BCL11A: variants seen among roughly 807,000 people sequenced by gnomAD.
BCL11A encodes B cell CLL/lymphoma 11A.
In BCL11A, 2 loss-of-function variants were observed where a neutral mutation model predicts 55.9. That is an observed-to-expected ratio of 0.04 (90% confidence interval 0.01 to 0.11). The LOEUF (loss-of-function observed/expected upper bound fraction) is 0.11. Ranked by LOEUF, BCL11A falls within the 10% of genes least tolerant of loss-of-function variation. The pLI is 1.00. For missense variants in BCL11A, 817 were observed against 1,137.1 expected, an observed-to-expected ratio of 0.72 and a Z score of 4.05; for synonymous variants, 465 against 473.4, an observed-to-expected ratio of 0.98 and a Z score of 0.23.
At chr2:60,484,683 G>C (rs1473300040) in intron 2 of BCL11A, among the ~76,000 whole-genome samples, 2 of 151,792 alleles carry the variant, frequency 1.3e-5, no homozygotes, top group African/African-American at 4.8e-5. Context: ...GGGGGAATTT[G>C]GAGGGGGGCA....
chr2:60,481,661 G>T (rs911586863), intron 2 of BCL11A, among the ~76,000 whole-genome samples: 1 of 152,020 alleles, frequency 6.6e-6, no homozygotes, highest in East Asian at 1.9e-4. Flanking sequence ...TTTTCTTGAC[G>T]CTCCACCCCC....
chr2:60,469,534 A>G (rs1428235271), intron 2 of BCL11A, among the ~76,000 whole-genome samples: 1 of 152,194 alleles, frequency 6.6e-6, no homozygotes, highest in Non-Finnish European at 1.5e-5. Flanking sequence ...AATAACTTTG[A>G]CCATTAAATG....
intron 2 of BCL11A, among the ~76,000 whole-genome samples, chr2:60,502,278 T>C (rs139317343): frequency 1.6e-4 from 24 of 152,376 alleles, no homozygotes; most frequent in East Asian, 1.3e-3. Context: ...ATAGCAGATT[T>C]GCTGAGCTCC....
downstream of BCL11A, chr2:60,452,651 G>A: frequency 6.2e-7 from 1 of 1,613,844 alleles, no homozygotes; most frequent in African/African-American, 1.3e-5. Flanking sequence ...ACGCCGAATG[G>A]GGGTGTGTGA....
chr2:60,537,313 GGAGA>G (rs1368223670), intron 2 of BCL11A: 1 of 152,168 alleles, frequency 6.6e-6, no homozygotes, highest in Non-Finnish European at 1.5e-5. Flanking sequence ...AGGGTGTGAT[GGAGA>G]GAAACTCACG....
chr2:60,458,758 T>G lies in BCL11A; in HGVS notation c.*1646A>C, dbSNP rs1676070008. 9.7e-7 allele frequency: 1 copy of G among 1,033,290 alleles called. No individual in the cohort carries two copies. Among genetic ancestry groups the G allele is most frequent in the Non-Finnish European group, 1.2e-6 (1 of 858,320 alleles). 64.0% of individuals were successfully genotyped at this position (1,033,290 alleles called of 1,614,324 possible). A position where few individuals can be genotyped will look rare whatever the true frequency, so the allele number is the denominator to read the frequency against. On this transcript the variant is annotated 3_prime_UTR_variant, in exon 4 of 4. Coordinates refer to ENST00000642384, the MANE Select transcript of BCL11A (RefSeq NM_022893.4). ...CTATCTGAGCAGGTTTATTTTATACTCAACCTCTGTATCTCTGATTAGAGA... is the reference window on the plus strand; with the variant it reads ...CTATCTGAGCAGGTTTATTTTATACGCAACCTCTGTATCTCTGATTAGAGA...
intron 2 of BCL11A, among the ~76,000 whole-genome samples, chr2:60,488,764 G>GT (rs753902282): frequency 6.6e-6 from 1 of 151,700 alleles, no homozygotes; most frequent in African/African-American, 2.4e-5. Context: ...TTGTTTGTTT[G>GT]TTTTTTGTTT....
At chr2:60,549,828 ATTCT>A (rs1670320899) in intron 1 of BCL11A, 1 of 152,256 alleles carries the variant, frequency 6.6e-6, no homozygotes, top group Admixed American at 6.5e-5. Context: ...CCTGAGATTC[ATTCT>A]GTGTCCACAA....
At chr2:60,529,973 G>A (rs112474791) in intron 2 of BCL11A, among the ~76,000 whole-genome samples, 3 of 152,254 alleles carry the variant, frequency 2.0e-5, no homozygotes, top group African/African-American at 7.2e-5. Context: ...CAATTACTTC[G>A]CCACTTGTGG....
At chr2:60,483,964 C>T (rs1030855433) in intron 2 of BCL11A, 27 of 151,768 alleles carry the variant, frequency 1.8e-4, no homozygotes, top group African/African-American at 6.3e-4. Context: ...AAATCAGAAG[C>T]TTGTTAGATG....
chr2:60,460,057 A>G lies in BCL11A; in HGVS notation c.*347T>C, dbSNP rs1572947635. The stretch of plus-strand genomic sequence containing the variant: ...CATACATGCTGTCTAAGTTTAAAAA[A>G]AAACATACACAACATGTAAATTATT... On this transcript the variant is annotated 3_prime_UTR_variant, in exon 4 of 4. Transcript: ENST00000642384. The G allele has an allele frequency of 9.2e-7, 1 of 1,091,736 alleles. No individual in the cohort carries two copies. Among genetic ancestry groups the G allele is most frequent in the East Asian group, 4.8e-5 (1 of 20,958 alleles). The allele number at this position is 1,091,736 out of a possible 1,614,324, so 67.6% of individuals were successfully genotyped here.
At chr2:60,542,584 A>G (rs1276109587) in intron 2 of BCL11A, 1 of 152,274 alleles carries the variant, frequency 6.6e-6, no homozygotes, top group Non-Finnish European at 1.5e-5. Context: ...AATGATCTCA[A>G]TGGATCACAA....
chr2:60,461,393 C>G lies in BCL11A; in HGVS notation c.1519G>C (p.Glu507Gln). The change falls in exon 4 of 4, where the codon GAG becomes CAG. Residue 507 changes from glutamate (E) to glutamine (Q), a missense_variant. By Grantham distance (29) the Glu-to-Gln change is conservative. This residue lies in a region of BCL11A where 379 missense variants were observed against 425.3 expected (regional missense o/e 0.89). Coordinates refer to ENST00000642384, the MANE Select transcript of BCL11A (RefSeq NM_022893.4). Reference sequence around the variant, plus strand: ...AAGCCGTAGTCCACCCTCTCGCTCTCCGTCAGCTCCTCCTCCTCCTCTTCC... The same window carrying G: ...AAGCCGTAGTCCACCCTCTCGCTCTGCGTCAGCTCCTCCTCCTCCTCTTCC... ...EEEEEEEELT[E>Q]SERVDYGFGL... The G allele has an allele frequency of 6.2e-7, 1 of 1,605,722 alleles. No individual in the cohort carries two copies. Among genetic ancestry groups the G allele is most frequent in the Non-Finnish European group, 8.5e-7 (1 of 1,178,928 alleles).
In BCL11A at chr2:60,461,889, C is replaced by T. The variant is rs765086802; in HGVS notation, c.1023G>A (p.Arg341=). The change falls in exon 4 of 4, where the codon AGG becomes AGA. Residue 341 remains arginine (R), a synonymous_variant. Transcript: ENST00000642384. ...TACCTGGCTGGAATGGTTGCAGTAA[C>T]CTTTGCATAGGGCTGGGCCGGCCTG... ...LSPGRPSPMQ[R]LLQPFQPGSK... 1.9e-6 allele frequency: 3 copies of T among 1,614,134 alleles called. No individual in the cohort carries two copies. Among genetic ancestry groups the T allele is most frequent in the East Asian group, 2.2e-5 (1 of 44,872 alleles).
intron 2 of BCL11A, among the ~76,000 whole-genome samples, chr2:60,491,296 T>G (rs1678613843): frequency 1.3e-5 from 2 of 152,258 alleles, no homozygotes; most frequent in Admixed American, 1.3e-4. Flanking sequence ...GGACCTCATT[T>G]TGATGCCAGA....
At chr2:60,531,573 A>G (rs1669458042) in intron 2 of BCL11A, among the ~76,000 whole-genome samples, 1 of 152,194 alleles carries the variant, frequency 6.6e-6, no homozygotes, top group African/African-American at 2.4e-5. Flanking sequence ...CAGGGCTTTT[A>G]TTATTTCATG....
chr2:60,472,258 C>T (rs979114169), intron 2 of BCL11A, among the ~76,000 whole-genome samples: 6 of 152,348 alleles, frequency 3.9e-5, no homozygotes, highest in Non-Finnish European at 5.9e-5. Flanking sequence ...GTCCTCACTG[C>T]TTCCATTAAA....
intron 1 of BCL11A, 47 bp downstream of exon 1, chr2:60,553,169 C>T: frequency 1.3e-6 from 2 of 1,560,448 alleles, no homozygotes; most frequent in Non-Finnish European, 1.7e-6. Context: ...GTCCTGCGCG[C>T]TCTCGTGATT....
At chr2:60,540,300 A>T (rs1669860829) in intron 2 of BCL11A, among the ~76,000 whole-genome samples, 1 of 152,230 alleles carries the variant, frequency 6.6e-6, no homozygotes, top group African/African-American at 2.4e-5. Flanking sequence ...TTTTTATTGC[A>T]CAAAGCTGGT....
Sources: gnomAD v4.1 joint callset for allele counts (sites outside exome capture counted in the v4.1 genomes callset) on GRCh38, gnomAD v4.1.1 for gene constraint, gnomAD v4.1.1 regional missense constraint, MANE v1.5 for transcripts, NCBI Gene and HGNC (gene_info 2026-07-23, HGNC 2026-07-21) for gene names.